Variants in NRXN1 observed in about 807,000 individuals in gnomAD.
NRXN1 encodes the protein neurexin 1.
A neutral mutation model predicts 150.9 loss-of-function variants in NRXN1; 39 were observed. That is an observed-to-expected ratio of 0.26 (90% CI 0.20 to 0.34). The LOEUF is 0.34. NRXN1 is among the 10% of genes least tolerant of loss of function. NRXN1 has a pLI of 1.00. For synonymous variants in NRXN1, 924 were observed against 757.0 expected, an observed-to-expected ratio of 1.22 and a Z score of -3.62; for missense variants, 1,815 against 1,949.9, an observed-to-expected ratio of 0.93 and a Z score of 1.30.
intron 8 of NRXN1, among the ~76,000 whole-genome samples, chr2:50,592,541 G>C (rs1016657000): frequency 1.3e-5 from 2 of 152,228 alleles, no homozygotes; most frequent in African/African-American, 2.4e-5. Context: ...CAGGCAATGA[G>C]TCAGGAGAGG....
intron 18 of NRXN1, among the ~76,000 whole-genome samples, chr2:50,115,045 G>A (rs866868439): frequency 5.3e-5 from 8 of 151,612 alleles, no homozygotes; most frequent in Non-Finnish European, 1.0e-4. Flanking sequence ...TAGGTTCATC[G>A]ATTATAACAA....
At chr2:50,298,446 AC>A (rs1328572223) in intron 17 of NRXN1, among the ~76,000 whole-genome samples, 1 of 152,010 alleles carries the variant, frequency 6.6e-6, no homozygotes, top group African/African-American at 2.4e-5. Flanking sequence ...TTCATGAAAG[AC>A]CTCCTAAAAA....
chr2:51,018,406 C>T (rs1006028046), intron 2 of NRXN1, among the ~76,000 whole-genome samples: 2 of 152,040 alleles, frequency 1.3e-5, no homozygotes, highest in Non-Finnish European at 2.9e-5. Flanking sequence ...GAGGCCAGGT[C>T]AGCACTTTGG....
At chr2:50,698,258 G>A (rs1693217002) in intron 5 of NRXN1, among the ~76,000 whole-genome samples, 1 of 152,190 alleles carries the variant, frequency 6.6e-6, no homozygotes, top group Admixed American at 6.5e-5. Context: ...GGTAGTCCCT[G>A]AGACTTTCGG....
chr2:50,889,951 T>C (rs982301906), intron 5 of NRXN1, among the ~76,000 whole-genome samples: 5 of 151,754 alleles, frequency 3.3e-5, no homozygotes, highest in African/African-American at 1.2e-4. Flanking sequence ...TTCCTAAACA[T>C]ATCTTTAAAA....
chr2:50,049,579 T>C (rs1456782239), intron 21 of NRXN1, among the ~76,000 whole-genome samples: 1 of 152,248 alleles, frequency 6.6e-6, no homozygotes, highest in East Asian at 1.9e-4. Context: ...TAAAATATTC[T>C]CGAAGGAAAG....
chr2:50,604,773 T>C (rs1414574680), intron 8 of NRXN1, among the ~76,000 whole-genome samples: 2 of 151,850 alleles, frequency 1.3e-5, no homozygotes, highest in East Asian at 3.9e-4. Context: ...ACCTGTTTCA[T>C]TTGAATGTAA....
intron 5 of NRXN1, among the ~76,000 whole-genome samples, chr2:50,826,563 G>T (rs1422569745): frequency 6.6e-6 from 1 of 152,146 alleles, no homozygotes; most frequent in Non-Finnish European, 1.5e-5. Flanking sequence ...TTTTGGAAGT[G>T]ACCCTAAGTA....
chr2:50,375,220 T>C (rs951220173), intron 17 of NRXN1, among the ~76,000 whole-genome samples: 14 of 152,002 alleles, frequency 9.2e-5, no homozygotes, highest in Non-Finnish European at 1.8e-4. Flanking sequence ...ATAATTGATG[T>C]AGCTAAAGAC....
At chr2:50,484,941 T>C (rs1008405030) in intron 15 of NRXN1, among the ~76,000 whole-genome samples, 17 of 152,354 alleles carry the variant, frequency 1.1e-4, no homozygotes, top group African/African-American at 3.8e-4. Flanking sequence ...AGCTTTTCAC[T>C]GTAGACATTC....
At chr2:50,201,400 A>G (rs939384441) in intron 18 of NRXN1, among the ~76,000 whole-genome samples, 14 of 152,202 alleles carry the variant, frequency 9.2e-5, no homozygotes, top group Non-Finnish European at 1.5e-4. Flanking sequence ...GTTAGGATCC[A>G]GTGGAAGATG....
At chr2:50,086,847 A>AGAGC (rs747174992) in intron 19 of NRXN1, among the ~76,000 whole-genome samples, 283 of 150,798 alleles carry the variant, frequency 1.9e-3, no homozygotes, top group African/African-American at 6.6e-3. Flanking sequence ...AGAGAGAGAG[A>AGAGC]GAGCGAGCCG....
chr2:50,996,978 A>G (rs572016148), intron 2 of NRXN1, among the ~76,000 whole-genome samples: 1 of 152,106 alleles, frequency 6.6e-6, no homozygotes, highest in East Asian at 1.9e-4. Context: ...GGTTTCACGT[A>G]AGGAGAAATA....
chr2:50,266,990 T>C (rs1286065825), intron 17 of NRXN1, among the ~76,000 whole-genome samples: 1 of 152,198 alleles, frequency 6.6e-6, no homozygotes, highest in Non-Finnish European at 1.5e-5. Context: ...GGGAATTAAT[T>C]ATTTAATTTG....
intron 18 of NRXN1, among the ~76,000 whole-genome samples, chr2:50,136,757 T>C (rs921957268): frequency 2.6e-5 from 4 of 152,230 alleles, no homozygotes; most frequent in Non-Finnish European, 4.4e-5. Context: ...AAATCCATTA[T>C]CTAAAAGTTT....
At chr2:50,016,391 G>C (rs1231267502) in intron 21 of NRXN1, 1 of 152,162 alleles carries the variant, frequency 6.6e-6, no homozygotes, top group Non-Finnish European at 1.5e-5. Flanking sequence ...CCGGTGATGG[G>C]GGAGAAGTGA....
chr2:49,966,483 C>T (rs1478251798), intron 21 of NRXN1: 1 of 151,400 alleles, frequency 6.6e-6, no homozygotes, highest in Non-Finnish European at 1.5e-5. Context: ...TGAAAAGCAG[C>T]CTGTTTATAA....
At chr2:50,915,024 T>C (rs1685020918) in intron 5 of NRXN1, among the ~76,000 whole-genome samples, 1 of 151,582 alleles carries the variant, frequency 6.6e-6, no homozygotes, top group Admixed American at 6.6e-5. Flanking sequence ...TAAAAGATAG[T>C]AATTTCTATG....
Position 50,552,264 on chromosome 2 carries a change from G to A in NRXN1, c.1759+323C>T, listed in dbSNP as rs146298209. On this transcript the variant is annotated intron_variant, in intron 9 of 22. Transcript: ENST00000401669. ...CATCCAATAACATAAGAGAAAACTG[G>A]GAATAGAAAAACTTTGAATTTTTTC... is the stretch of plus-strand genomic sequence containing the variant. 5.2e-3 allele frequency among the ~76,000 whole-genome samples: 790 copies of A among 152,040 alleles called. 4 individuals carry two copies. Among genetic ancestry groups the A allele is most frequent in the African/African-American group, 0.018 (747 of 41,470 alleles).
Sources: allele counts gnomAD v4.1 joint callset (sites outside exome capture counted in the v4.1 genomes callset), GRCh38; gene constraint gnomAD v4.1.1; transcripts MANE v1.5; gene names NCBI Gene and HGNC (gene_info 2026-07-23, HGNC 2026-07-21).